The following TKT variants were observed in gnomAD, a reference collection of about 807,000 sequenced individuals.
TKT encodes the protein epididymis luminal protein 107.
In TKT, 47 loss-of-function variants were observed where a neutral mutation model predicts 63.9. The ratio of observed to expected loss-of-function variants is 0.74; its 90% CI spans 0.58 to 0.94. The LOEUF (loss-of-function observed/expected upper bound fraction) is 0.94, where lower values mean the gene tolerates loss of function less well. Ranked by LOEUF, TKT falls within the 40% of genes least tolerant of loss-of-function variation. TKT has a pLI of 0.00. For synonymous variants in TKT, 338 were observed against 334.1 expected (o/e 1.01, Z -0.13); for missense variants, 721 against 846.2 (o/e 0.85, Z 1.84).
chr3:53,250,874 T>C (rs1212941493), intron 1 of TKT, among the ~76,000 whole-genome samples: 1 of 152,098 alleles, frequency 6.6e-6, no homozygotes, highest in Admixed American at 6.5e-5. Context: ...CTTGAACTCC[T>C]GGGCTCAAGT....
chr3:53,243,605 T>C (rs1553680364), intron 1 of TKT: 3 of 456,624 alleles, frequency 6.6e-6, no homozygotes, highest in South Asian at 3.1e-5. Context: ...CTCCCGGTCA[T>C]GGGAAAAGAC....
chr3:53,235,981 G>T (rs1463596279), intron 4 of TKT, among the ~76,000 whole-genome samples: 2 of 35,038 alleles, frequency 5.7e-5, no homozygotes, highest in African/African-American at 1.2e-4. Context: ...CAGAGGGACG[G>T]CAGCAACAGA....
At position 53,230,617 on chromosome 3, in the gene TKT, G is replaced by GCTAT. The variant is rs782754846; in HGVS notation, c.943_946dup (p.Ala316AspfsTer19). On this transcript the variant is annotated frameshift_variant, in exon 8 of 14. Coordinates refer to ENST00000462138, the MANE Select transcript of TKT (RefSeq NM_001064.4). LOFTEE classifies it high-confidence loss of function. ...TGCCTGCCCGTAGGCCTTGCGGGTG[G>GCTAT]CTATCTGTGAGGAAGAGAGTGGGAA... 1 of 1,614,048 alleles carries GCTAT rather than the reference G, an allele frequency of 6.2e-7. No individual in the cohort carries two copies. The highest frequency in any genetic ancestry group is 8.5e-7 in the Non-Finnish European group (1 of 1,180,026).
intron 1 of TKT, among the ~76,000 whole-genome samples, chr3:53,253,591 C>A (rs1705852464): frequency 6.6e-6 from 1 of 152,170 alleles, no homozygotes; most frequent in African/African-American, 2.4e-5. Context: ...ATGGTGAAAC[C>A]CCATCTCTAC....
chr3:53,229,191 T>G, intron 9 of TKT, 54 bp from the exon 10 acceptor site: 1 of 1,612,918 alleles, frequency 6.2e-7, no homozygotes, highest in South Asian at 1.1e-5. Context: ...CCCCCATCCA[T>G]GGGCTGGAAT....
chr3:53,232,333 C>A (rs1193007823), intron 6 of TKT: 1 of 399,132 alleles, frequency 2.5e-6, no homozygotes, highest in Non-Finnish European at 4.4e-6. Context: ...TCCACCCCCT[C>A]CCAGACACCT....
At chr3:53,242,343 G>A (rs1705319737) in intron 1 of TKT, 101 bp from the exon 2 acceptor site, 3 of 1,139,702 alleles carry the variant, frequency 2.6e-6, no homozygotes, top group South Asian at 1.2e-5. Context: ...GTCCTGAGGA[G>A]TCACACAGGC....
rs565781467 is a variant in TKT at position 53,228,347 on chromosome 3, T to G, written c.1408A>C (p.Ile470Leu). 2 of 1,614,114 alleles carry G rather than the reference T, an allele frequency of 1.2e-6. No individual in the cohort carries two copies. The highest frequency in any genetic ancestry group is 1.7e-6 in the Non-Finnish European group (2 of 1,180,014). The change falls in exon 11 of 14, where the codon ATC becomes CTC. Residue 470 changes from isoleucine (I) to leucine (L), a missense_variant. Transcript: ENST00000462138. ...GCATTTTCTGGGCGGCTGGTCCGGATGAAGCAGATACCCTGAGACCGAAAC... is the reference window on the plus strand; with the variant it reads ...GCATTTTCTGGGCGGCTGGTCCGGAGGAAGCAGATACCCTGAGACCGAAAC... Reference protein sequence around the residue: ...LAANTKGICFIRTSRPENAII... With the variant: ...LAANTKGICFLRTSRPENAII...
At chr3:53,239,772 C>T (rs1705191143) in intron 4 of TKT, among the ~76,000 whole-genome samples, 2 of 152,208 alleles carry the variant, frequency 1.3e-5, no homozygotes, top group Non-Finnish European at 2.9e-5. Context: ...TAGGAGGTGG[C>T]TTACAGGTAT....
chr3:53,228,569 C>T (rs557654636), intron 10 of TKT: 97 of 577,186 alleles, frequency 1.7e-4, no homozygotes, highest in African/African-American at 1.4e-3. Flanking sequence ...AGCCTCAGAC[C>T]GAAGGCAACT....
intron 10 of TKT, 121 bp from the exon 11 acceptor site, chr3:53,228,480 C>A: frequency 8.7e-7 from 1 of 1,150,012 alleles, no homozygotes; most frequent in Non-Finnish European, 1.3e-6. Context: ...CCTGGCTACT[C>A]CAGCAGGGAA....
chr3:53,252,543 T>G (rs1705796233), intron 1 of TKT, among the ~76,000 whole-genome samples: 1 of 152,210 alleles, frequency 6.6e-6, no homozygotes, highest in Admixed American at 6.5e-5. Flanking sequence ...CAAATGGATA[T>G]TTTTTGAGTT....
At chr3:53,255,498 T>A (rs1426190423) in intron 1 of TKT, among the ~76,000 whole-genome samples, 2 of 152,148 alleles carry the variant, frequency 1.3e-5, no homozygotes, top group African/African-American at 4.8e-5. Context: ...CTTCCCGGCA[T>A]CACCCTAGAG....
chr3:53,233,573 A>G, intron 5 of TKT: 3 of 267,324 alleles, frequency 1.1e-5, no homozygotes, highest in East Asian at 1.6e-4. Context: ...TGATCTGCTC[A>G]TTTCCTACTG....
At position 53,226,786 on chromosome 3, in the gene TKT, T is replaced by G; in HGVS notation, c.1666A>C (p.Ile556Leu). Reference sequence around the variant, plus strand: ...TAATAATGGTCCTCCACGGTGAGGATCCTGCCCTTGGTGGCACGAGCGCTG... The same window carrying G: ...TAATAATGGTCCTCCACGGTGAGGAGCCTGCCCTTGGTGGCACGAGCGCTG... ...LDSARATKGR[I>L]LTVEDHYYEG... The change falls in exon 13 of 14, where the codon ATC becomes CTC. Residue 556 changes from isoleucine (I) to leucine (L), a missense_variant. Coordinates refer to ENST00000462138, the MANE Select transcript of TKT (RefSeq NM_001064.4). 1 of 1,614,194 alleles carries G rather than the reference T, an allele frequency of 6.2e-7. No homozygotes were observed. Among genetic ancestry groups the G allele is most frequent in the African/African-American group, 1.3e-5 (1 of 75,056 alleles).
Position 53,240,310 on chromosome 3 carries a change from G to C in TKT, c.378C>G (p.Gly126=), listed in dbSNP as rs375736496. 3 of 1,613,114 alleles carry C rather than the reference G, an allele frequency of 1.9e-6. No homozygotes were observed. The highest frequency in any genetic ancestry group is 4.5e-5 in the East Asian group (2 of 44,860). ...TCCCACAAGCGGCCCCGAGGCCCTG[G>C]CCCAGGGAGCCAGTGGCCACGTCGG... ...AFTDVATGSL[G]QGLGAACGMA... The change falls in exon 4 of 14, where the codon GGC becomes GGG. Residue 126 remains glycine, a synonymous_variant. Transcript: ENST00000462138.
chr3:53,227,994 AC>A, intron 12 of TKT, 61 bp downstream of exon 12: 1 of 1,408,254 alleles, frequency 7.1e-7, no homozygotes, highest in Non-Finnish European at 9.9e-7. Flanking sequence ...GAAAGAAAGA[AC>A]CCCAAGACCT....
intron 1 of TKT, among the ~76,000 whole-genome samples, chr3:53,251,490 C>T (rs1476091195): frequency 1.3e-5 from 2 of 152,220 alleles, no homozygotes; most frequent in Non-Finnish European, 1.5e-5. Context: ...AAAGAGCCTT[C>T]TGTGAGGTCT....
At position 53,228,118 on chromosome 3, in the gene TKT, G is replaced by C; in HGVS notation, c.1511C>G (p.Thr504Ser). 6.2e-7 allele frequency: 1 copy of C among 1,614,056 alleles called. No homozygotes were observed. ...VVLKSKDDQV[T>S]VIGAGVTLHE... ...CAGGGTCACCCCAGCCCCGATAACG[G>C]TCACCTGGTCATCCTTGCTCTTCAG... The change falls in exon 12 of 14, where the codon ACC becomes AGC. Residue 504 changes from threonine (T) to serine (S), a missense_variant. Thr to Ser is a moderately conservative substitution (Grantham distance 58, BLOSUM62 1). Transcript: ENST00000462138.
Sources: gnomAD v4.1 joint callset for allele counts (sites outside exome capture counted in the v4.1 genomes callset) on GRCh38, gnomAD v4.1.1 for gene constraint, MANE v1.5 for transcripts, NCBI Gene and HGNC (gene_info 2026-07-23, HGNC 2026-07-21) for gene names.